TRPV3: variants seen among roughly 807,000 people sequenced by gnomAD.
The protein encoded by TRPV3 is VRL-3.
Under a neutral mutation model 87.1 loss-of-function variants are expected in TRPV3, and 88 were observed. The ratio of observed to expected loss-of-function variants is 1.01; its 90% CI spans 0.85 to 1.21. The LOEUF (loss-of-function observed/expected upper bound fraction) is 1.21, where lower values mean the gene tolerates loss of function less well. Among genes scored for constraint, TRPV3 ranks in the 50% most tolerant of loss-of-function variants. The pLI is 0.00. For synonymous variants in TRPV3, 438 were observed against 423.3 expected (o/e 1.03, Z -0.43); for missense variants, 1,054 against 1,030.1 (o/e 1.02, Z -0.32).
chr17:3,547,221 C>T (rs1014310876), intron 2 of TRPV3, among the ~76,000 whole-genome samples: 6 of 152,212 alleles, frequency 3.9e-5, no homozygotes, highest in Non-Finnish European at 8.8e-5. Flanking sequence ...CTCTGAGATC[C>T]ACGCGGGCCT....
chr17:3,519,812 CGATGGATGGATGATTAAATGGATG>C (rs2074226663), intron 14 of TRPV3, among the ~76,000 whole-genome samples: 1 of 82,734 alleles, frequency 1.2e-5, no homozygotes, highest in Non-Finnish European at 2.3e-5. Flanking sequence ...ACCGATTGAT[CGATGGATGGATGATTAAATGGATG>C]AATGGATGGA....
chr17:3,536,776 C>T (rs947968526), intron 6 of TRPV3, among the ~76,000 whole-genome samples: 3 of 151,984 alleles, frequency 2.0e-5, no homozygotes, highest in East Asian at 1.9e-4. Context: ...GTGAATGATA[C>T]GCTGGTGACA....
In TRPV3 at chr17:3,545,283, C is replaced by T. The variant is rs765685407; in HGVS notation, c.120-12G>A. 50 of 1,602,142 alleles carry T rather than the reference C, an allele frequency of 3.1e-5. No individual in the cohort carries two copies. In the Admixed American group the frequency reaches 5.5e-4, roughly 18 times the overall value. On this transcript the variant is annotated splice_polypyrimidine_tract_variant and intron_variant, in intron 2 of 17. Transcript: ENST00000576742. ...GGAAGAAGTGTGCACTGAGGGAACA[C>T]GGAGGAAGCCTGTTAGGGCCGAGCC...
In TRPV3 at chr17:3,513,880, A is replaced by T. The variant is rs562074102; in HGVS notation, c.*37T>A. The T allele has an allele frequency of 1.2e-5, 19 of 1,557,082 alleles. No individual in the cohort carries two copies. The East Asian group carries it at 3.6e-4, about 29-fold the overall frequency. The stretch of plus-strand genomic sequence containing the variant: ...AGTCGGTGACTCCGCCTGCAGCGCC[A>T]GACAGCGCACGCGCACACCAGCTCT... On this transcript the variant is annotated 3_prime_UTR_variant, in exon 18 of 18. Coordinates refer to ENST00000576742, the MANE Select transcript of TRPV3 (RefSeq NM_145068.4).
At chr17:3,519,384 GATTA>G (rs1300058556) in intron 14 of TRPV3, among the ~76,000 whole-genome samples, 192 of 137,498 alleles carry the variant, frequency 1.4e-3, no homozygotes, top group African/African-American at 4.0e-3. Flanking sequence ...AGGGATGGAT[GATTA>G]GATGGAGGGA....
intron 16 of TRPV3, among the ~76,000 whole-genome samples, chr17:3,516,243 T>G (rs893926949): frequency 2.0e-5 from 3 of 152,010 alleles, no homozygotes; most frequent in Admixed American, 1.3e-4. Context: ...GTTGGCAGTC[T>G]CCTTCTCTTT....
intron 7 of TRPV3, among the ~76,000 whole-genome samples, chr17:3,535,234 C>CCTTCCCTCCCCCTCCTTCCTCCT (rs2074392171): frequency 4.3e-5 from 2 of 46,108 alleles, no homozygotes; most frequent in Non-Finnish European, 9.9e-5. Flanking sequence ...CCTCCCTCCT[C>CCTTCCCTCCCCCTCCTTCCTCCT]CCTCCCTCCC....
intron 3 of TRPV3, among the ~76,000 whole-genome samples, chr17:3,544,886 T>C (rs1472166678): frequency 8.5e-5 from 13 of 152,134 alleles, no homozygotes; most frequent in Non-Finnish European, 2.9e-5. Context: ...TGGTGGCATG[T>C]GCCTGTAATC....
chr17:3,543,455 G>A lies in TRPV3; in HGVS notation c.466+19C>T, dbSNP rs776757087. The A allele has an allele frequency of 3.1e-6, 5 of 1,611,252 alleles. No homozygotes were observed. In the African/African-American group the frequency reaches 6.7e-5, roughly 22 times the overall value. ...CAGGGCCCCCAGCCCTGCACCCTCT[G>A]CCAGGCTCAGACACTCACCAGGCAC... On this transcript the variant is annotated intron_variant, in intron 5 of 17. Transcript: ENST00000576742.
Position 3,513,923 on chromosome 17 carries a change from C to T in TRPV3, c.2367G>A (p.Ser789=), listed in dbSNP as rs1567627297. The T allele has an allele frequency of 5.0e-6, 8 of 1,614,026 alleles. No individual in the cohort carries two copies. The South Asian group carries it at 8.8e-5, about 18-fold the overall frequency. ...CCAGCTCTGGGTTCCGCTTCTACACCGAGGTTTCCGGGAATTCCTCGACTT... is the reference window on the plus strand; with the variant it reads ...CCAGCTCTGGGTTCCGCTTCTACACTGAGGTTTCCGGGAATTCCTCGACTT... ...FEEVEEFPET[S]V is the part of the protein sequence containing the mutation. Residue 789 remains serine (S), a synonymous_variant, in exon 18 of 18, where the codon TCG becomes TCA. Coordinates refer to ENST00000576742, the MANE Select transcript of TRPV3 (RefSeq NM_145068.4).
intron 6 of TRPV3, among the ~76,000 whole-genome samples, chr17:3,538,434 G>C (rs566063439): frequency 1.3e-5 from 1 of 78,140 alleles, no homozygotes; most frequent in Non-Finnish European, 2.7e-5. Flanking sequence ...GACTGGAAAA[G>C]AACAAAAAAA....
At chr17:3,554,588 C>T in intron 2 of TRPV3, 144 bp downstream of exon 2, 1 of 635,988 alleles carries the variant, frequency 1.6e-6, no homozygotes, top group South Asian at 1.9e-5. Context: ...ATCCCCTAGT[C>T]ATACCTCGCC....
intron 1 of TRPV3, among the ~76,000 whole-genome samples, chr17:3,555,586 C>G (rs1032268430): frequency 2.0e-5 from 3 of 152,172 alleles, no homozygotes; most frequent in East Asian, 1.9e-4. Context: ...GCCGACCCCC[C>G]AGTCCAGACC....
intron 2 of TRPV3, among the ~76,000 whole-genome samples, chr17:3,547,416 T>C (rs930045960): frequency 1.3e-5 from 2 of 151,402 alleles, no homozygotes; most frequent in Admixed American, 6.6e-5. Context: ...AGGTCGGGAG[T>C]TTGAGACCAG....
chr17:3,533,501 C>CTTTTTTTT (rs11378089), intron 7 of TRPV3, among the ~76,000 whole-genome samples: 66 of 139,252 alleles, frequency 4.7e-4, no homozygotes, highest in African/African-American at 1.6e-3. Flanking sequence ...CTCTGCTTTA[C>CTTTTTTTT]TTTTTTTTTT....
chr17:3,543,585 G>A lies in TRPV3; in HGVS notation c.355C>T (p.Leu119=), dbSNP rs2074489787. ...ACGGCTGCAAAGATGCGCTTCTTCA[G>A]CCGCCTCTTTTTCCTCCTCTGCTCT... ...KEEQRRKKRR[L]KKRIFAAVSE... The change falls in exon 5 of 18, where the codon CTG becomes TTG. Residue 119 remains leucine, a synonymous_variant. Transcript: ENST00000576742. 1 of 1,614,014 alleles carries A rather than the reference G, an allele frequency of 6.2e-7. No individual in the cohort carries two copies. Among genetic ancestry groups the A allele is most frequent in the Non-Finnish European group, 8.5e-7 (1 of 1,180,040 alleles).
intron 2 of TRPV3, among the ~76,000 whole-genome samples, chr17:3,551,478 T>C (rs957293074): frequency 1.3e-5 from 2 of 152,234 alleles, no homozygotes; most frequent in East Asian, 1.9e-4. Context: ...CTGGGTGTGG[T>C]TGACCCAGGT....
intron 7 of TRPV3, 37 bp downstream of exon 7, chr17:3,535,522 TCTCCCTCCTCCCTC>T (rs748950496): frequency 7.0e-6 from 10 of 1,420,462 alleles, no homozygotes; most frequent in Non-Finnish European, 9.3e-6. Flanking sequence ...TCCTCTCCCG[TCTCCCTCCTCCCTC>T]CTCCCAGACT....
intron 6 of TRPV3, among the ~76,000 whole-genome samples, chr17:3,536,449 G>A (rs756919076): frequency 1.3e-5 from 2 of 152,158 alleles, no homozygotes; most frequent in Non-Finnish European, 2.9e-5. Context: ...TTAGCCGGCC[G>A]TGGGGGCGCA....
Sources: gnomAD v4.1 joint callset for allele counts (sites outside exome capture counted in the v4.1 genomes callset) on GRCh38, gnomAD v4.1.1 for gene constraint, MANE v1.5 for transcripts, NCBI Gene and HGNC (gene_info 2026-07-23, HGNC 2026-07-21) for gene names.